Variants in BIRC6 observed in about 807,000 individuals in gnomAD.
BIRC6 encodes the protein dual E2 ubiquitin-conjugating enzyme/E3 ubiquitin-protein ligase BIRC6.
Under a neutral mutation model 503.3 loss-of-function variants are expected in BIRC6, and 98 were observed. The observed-to-expected ratio is 0.19, with a 90% confidence interval of 0.17 to 0.23. The LOEUF is 0.23. BIRC6 is among the 10% of genes least tolerant of loss of function. The pLI, the probability that BIRC6 is intolerant of heterozygous loss-of-function variation, is 1.00. For missense variants in BIRC6, 5,360 were observed against 5,806.0 expected (o/e 0.92, Z 2.50); for synonymous variants, 2,240 against 2,078.7 (o/e 1.08, Z -2.11).
At chr2:32,450,116 TC>T (rs2046519741) in intron 22 of BIRC6, among the ~76,000 whole-genome samples, 2 of 152,182 alleles carry the variant, frequency 1.3e-5, no homozygotes, top group Non-Finnish European at 2.9e-5. Context: ...ACTGTAAGGT[TC>T]ATTCCAAGCT....
intron 15 of BIRC6, among the ~76,000 whole-genome samples, chr2:32,437,653 C>G (rs1319345736): frequency 6.6e-6 from 1 of 152,098 alleles, no homozygotes; most frequent in Non-Finnish European, 1.5e-5. Flanking sequence ...TTCAGTATTC[C>G]TAATCCAAAA....
rs1388300684 is a variant in BIRC6 at position 32,519,112 on chromosome 2, C to T, written c.11623+166C>T. On this transcript the variant is annotated intron_variant, in intron 57 of 73. Transcript: ENST00000421745. The stretch of plus-strand genomic sequence containing the variant: ...AAGCATAAGAAGCCAGTCAAGTGGA[C>T]AAAATGTAAAATACTTTTAGGCACC... The T allele has an allele frequency of 5.9e-6, 4 of 674,028 alleles. No individual in the cohort carries two copies. In the South Asian group the frequency reaches 7.3e-5, roughly 12 times the overall value. The allele number at this position is 674,028 out of a possible 1,614,324, so 41.8% of individuals were successfully genotyped here. A position where few individuals can be genotyped will look rare whatever the true frequency, so the allele number is the denominator to read the frequency against.
chr2:32,499,670 A>G lies in BIRC6; in HGVS notation c.8592A>G (p.Thr2864=). ...STISAVIESV[T]FLVHHYITCS... is the part of the protein sequence containing the mutation. ...TTTCTGCCGTGATAGAATCGGTTACATTTTTAGTGCACCACTATATCACTT... is the reference window on the plus strand; with the variant it reads ...TTTCTGCCGTGATAGAATCGGTTACGTTTTTAGTGCACCACTATATCACTT... The change falls in exon 46 of 74, where the codon ACA becomes ACG. Residue 2864 remains threonine, a synonymous_variant. Coordinates refer to ENST00000421745, the MANE Select transcript of BIRC6 (RefSeq NM_016252.4). The G allele has an allele frequency of 6.2e-7, 1 of 1,613,940 alleles. No homozygotes were observed. The highest frequency in any genetic ancestry group is 2.2e-5 in the East Asian group (1 of 44,878).
chr2:32,470,346 C>T (rs2148984343), intron 31 of BIRC6, 45 bp downstream of exon 31: 4 of 1,431,688 alleles, frequency 2.8e-6, no homozygotes, highest in East Asian at 2.6e-5. Flanking sequence ...AATATTCCTG[C>T]AAATATTTCT....
intron 59 of BIRC6, among the ~76,000 whole-genome samples, chr2:32,526,070 C>T (rs1390752536): frequency 2.0e-5 from 3 of 152,172 alleles, no homozygotes; most frequent in Non-Finnish European, 4.4e-5. Context: ...AAGGTGATAA[C>T]AGGTTGAGCA....
intron 10 of BIRC6, among the ~76,000 whole-genome samples, chr2:32,419,464 AAAG>A (rs1392288407): frequency 1.3e-5 from 2 of 150,500 alleles, no homozygotes; most frequent in Non-Finnish European, 2.9e-5. Context: ...ATAAAATAAA[AAAG>A]TATGAATTTC....
chr2:32,502,290 A>G (rs1027133808), intron 47 of BIRC6, among the ~76,000 whole-genome samples: 1 of 152,166 alleles, frequency 6.6e-6, no homozygotes, highest in Non-Finnish European at 1.5e-5. Flanking sequence ...AAAAGAGATT[A>G]GGCTAATTAA....
rs1208513032 is a variant in BIRC6, at chr2:32,575,013, A to T, written c.13145-143A>T. ...TCTGCCTGCCTCGGCCTCACAAAGT[A>T]CTGAGATTACAGGCCTGAACCAGCG... On this transcript the variant is annotated intron_variant, in intron 65 of 73. Transcript: ENST00000421745. 7.5e-6 allele frequency: 6 copies of T among 804,284 alleles called. No homozygotes were observed. The East Asian group carries it at 1.2e-4, about 17-fold the overall frequency. The allele number at this position is 804,284 out of a possible 1,614,324, so 49.8% of individuals were successfully genotyped here. A position where few individuals can be genotyped will look rare whatever the true frequency, so the allele number is the denominator to read the frequency against.
At chr2:32,609,186 G>A (rs1457502622) in intron 72 of BIRC6, among the ~76,000 whole-genome samples, 2 of 151,868 alleles carry the variant, frequency 1.3e-5, no homozygotes, top group Non-Finnish European at 2.9e-5. Context: ...GCCTGGCCAC[G>A]TTTCCTTTTC....
intron 1 of BIRC6, among the ~76,000 whole-genome samples, chr2:32,366,547 G>C (rs1261346273): frequency 6.6e-6 from 1 of 152,080 alleles, no homozygotes; most frequent in East Asian, 1.9e-4. Flanking sequence ...TTGGCTATAA[G>C]TATATATAGA....
intron 10 of BIRC6, among the ~76,000 whole-genome samples, chr2:32,422,042 GTTCT>G (rs1320159989): frequency 7.4e-4 from 113 of 151,992 alleles, no homozygotes; most frequent in African/African-American, 2.7e-3. Context: ...TGATGTATTG[GTTCT>G]TTTGTCATTA....
chr2:32,589,586 G>A (rs2061277307), intron 66 of BIRC6, among the ~76,000 whole-genome samples: 2 of 152,104 alleles, frequency 1.3e-5, no homozygotes, highest in Non-Finnish European at 2.9e-5. Flanking sequence ...TGATTTCTTA[G>A]CCAGATAGCA....
Position 32,471,116 on chromosome 2 carries a change from C to G in BIRC6, c.6584C>G (p.Pro2195Arg). The change falls in exon 32 of 74, where the codon CCT becomes CGT. Residue 2195 changes from proline (P) to arginine (R), a missense_variant. Pro to Arg is a moderately radical substitution (Grantham distance 103). Around this residue, in one of 16 missense-constraint regions of BIRC6, gnomAD observed 2,299 missense variants for 2,267.2 expected, o/e 1.01. Transcript: ENST00000421745. ...GATGAAGCAGCAGCTGCAAAGAAAC[C>G]TTTGAATGGTAAAGACAGGGAGAGG... is the stretch of plus-strand genomic sequence containing the variant. The part of the protein sequence containing the change: ...VEDEAAAAKK[P>R]LNGNQWSFIN... 6.4e-7 allele frequency: 1 copy of G among 1,567,850 alleles called. No individual in the cohort carries two copies. Among genetic ancestry groups the G allele is most frequent in the Non-Finnish European group, 8.7e-7 (1 of 1,154,352 alleles).
At chr2:32,462,037 C>T (rs909063138) in intron 23 of BIRC6, among the ~76,000 whole-genome samples, 63 of 150,412 alleles carry the variant, frequency 4.2e-4, no homozygotes, top group Non-Finnish European at 7.4e-5. Context: ...TTTACTTAAT[C>T]AGCAAAAAAA....
chr2:32,451,642 G>A (rs2046742816), intron 22 of BIRC6, among the ~76,000 whole-genome samples: 1 of 152,176 alleles, frequency 6.6e-6, no homozygotes, highest in African/African-American at 2.4e-5. Context: ...AAAGTACCAT[G>A]CTTGTTTCAG....
At chr2:32,593,538 A>T (rs1392538603) in intron 66 of BIRC6, among the ~76,000 whole-genome samples, 1 of 152,130 alleles carries the variant, frequency 6.6e-6, no homozygotes, top group African/African-American at 2.4e-5. Flanking sequence ...TTTAATTCTG[A>T]GTGAAATACA....
At chr2:32,369,945 A>ATAT (rs1375272135) in intron 1 of BIRC6, among the ~76,000 whole-genome samples, 4 of 44,188 alleles carry the variant, frequency 9.1e-5, no homozygotes, top group Non-Finnish European at 1.5e-4. Flanking sequence ...AAAAAAAAAA[A>ATAT]ATATATATAT....
intron 72 of BIRC6, among the ~76,000 whole-genome samples, chr2:32,608,670 G>A (rs2151673356): frequency 6.6e-6 from 1 of 152,118 alleles, no homozygotes; most frequent in Non-Finnish European, 1.5e-5. Flanking sequence ...ACCTGCCTTG[G>A]CCTCCCAAAG....
chr2:32,473,141 C>G lies in BIRC6; in HGVS notation c.6622C>G (p.Leu2208Val). The change falls in exon 33 of 74, where the codon CTA becomes GTA. Residue 2208 changes from leucine to valine, a missense_variant. Leu to Val is a conservative substitution (Grantham distance 32). Coordinates refer to ENST00000421745, the MANE Select transcript of BIRC6 (RefSeq NM_016252.4). ...TCAGTGGAGTTTTATTAACAATAAT[C>G]TACACACTCAGAGCTTAAATAGATC... is the stretch of plus-strand genomic sequence containing the variant. Reference protein sequence around the residue: ...GNQWSFINNNLHTQSLNRSSK... With the variant: ...GNQWSFINNNVHTQSLNRSSK... 6.3e-7 allele frequency: 1 copy of G among 1,580,650 alleles called. No homozygotes were observed. The highest frequency in any genetic ancestry group is 1.8e-5 in the Admixed American group (1 of 55,674).
Sources: gnomAD v4.1 joint callset for allele counts (sites outside exome capture counted in the v4.1 genomes callset) on GRCh38, gnomAD v4.1.1 for gene constraint, gnomAD v4.1.1 regional missense constraint, MANE v1.5 for transcripts, NCBI Gene and HGNC (gene_info 2026-07-23, HGNC 2026-07-21) for gene names.